The following NPSR1 variants were observed in gnomAD, a reference collection of about 807,000 sequenced individuals.
NPSR1 encodes neuropeptide S receptor 1.
NPSR1 carries 48 observed loss-of-function variants against 46.9 expected under a neutral mutation model. The observed-to-expected ratio is 1.02, with a 90% CI of 0.81 to 1.30. NPSR1 has a LOEUF of 1.30. NPSR1 is among the 50% of genes most tolerant of loss of function. NPSR1 has a pLI of 0.00. For missense variants in NPSR1, 450 were observed against 449.5 expected (o/e 1.00, Z -0.01); for synonymous variants, 176 against 168.1 (o/e 1.05, Z -0.36).
At chr7:34,755,954 A>T (rs545958621) in intron 2 of NPSR1, among the ~76,000 whole-genome samples, 40 of 152,326 alleles carry the variant, frequency 2.6e-4, no homozygotes, top group Non-Finnish European at 5.0e-4. Flanking sequence ...AGACCGAAGG[A>T]GGTTAAATAA....
chr7:34,743,289 T>C (rs1395300213), intron 2 of NPSR1, among the ~76,000 whole-genome samples: 1 of 152,192 alleles, frequency 6.6e-6, no homozygotes, highest in Non-Finnish European at 1.5e-5. Flanking sequence ...GGGTTTTACA[T>C]TTAAATCTTT....
rs549969852 is a variant in NPSR1, at chr7:34,798,151, A to G, written c.385-13619A>G. Among the ~76,000 whole-genome samples, 14 of 152,374 alleles carry G rather than the reference A, an allele frequency of 9.2e-5. No homozygotes were observed. In the South Asian group the frequency reaches 2.7e-3, roughly 29 times the overall value. On this transcript the variant is annotated intron_variant, in intron 3 of 8. Coordinates refer to ENST00000360581, the MANE Select transcript of NPSR1 (RefSeq NM_207172.2). ...TACTTTTCTTACTCTTAATTGACCT[A>G]TAGATAGTTGCTCGACACAAAAATA...
At chr7:34,724,528 C>G (rs988294392) in intron 2 of NPSR1, among the ~76,000 whole-genome samples, 1 of 152,208 alleles carries the variant, frequency 6.6e-6, no homozygotes, top group Non-Finnish European at 1.5e-5. Context: ...AGGTGGGACG[C>G]AGGAAGATGG....
chr7:34,720,202 C>T (rs1783781299), intron 2 of NPSR1, among the ~76,000 whole-genome samples: 1 of 151,808 alleles, frequency 6.6e-6, no homozygotes, highest in African/African-American at 2.4e-5. Context: ...ATCGCTTGAA[C>T]CCGGGAGGTG....
chr7:34,809,519 A>C (rs1407926157), intron 3 of NPSR1, among the ~76,000 whole-genome samples: 1 of 138,192 alleles, frequency 7.2e-6, no homozygotes, highest in Non-Finnish European at 1.5e-5. Flanking sequence ...GCTGGAGTGC[A>C]GTGGCGCAAT....
chr7:34,869,117 A>G (rs1791391098), intron 8 of NPSR1, among the ~76,000 whole-genome samples: 1 of 151,740 alleles, frequency 6.6e-6, no homozygotes, highest in South Asian at 2.1e-4. Flanking sequence ...GTCCCACAAC[A>G]CTGGCAGAAC....
chr7:34,747,403 G>A (rs140748517), intron 2 of NPSR1, among the ~76,000 whole-genome samples: 772 of 152,310 alleles, frequency 5.1e-3, no homozygotes, highest in Non-Finnish European at 7.5e-3. Flanking sequence ...CTCTGCACCT[G>A]CAGCCTGGTG....
At chr7:34,852,135 T>C (rs990131586), downstream of NPSR1, among the ~76,000 whole-genome samples, 12 of 152,012 alleles carry the variant, frequency 7.9e-5, no homozygotes, top group Non-Finnish European at 1.5e-4. Context: ...CTGTCTCTAC[T>C]AAAAATACAA....
chr7:34,771,457 T>C (rs189661090), intron 2 of NPSR1, among the ~76,000 whole-genome samples: 10 of 152,018 alleles, frequency 6.6e-5, no homozygotes, highest in Admixed American at 5.9e-4. Context: ...CCAAAAAAGA[T>C]GCACAAAAGG....
chr7:34,715,939 G>T (rs999452599), intron 2 of NPSR1, among the ~76,000 whole-genome samples: 19 of 152,044 alleles, frequency 1.2e-4, no homozygotes, highest in African/African-American at 4.6e-4. Context: ...ACTACCATGA[G>T]AAGAAAGTCG....
intron 1 of NPSR1, among the ~76,000 whole-genome samples, chr7:34,680,633 G>A (rs926276623): frequency 6.6e-6 from 1 of 152,136 alleles, no homozygotes; most frequent in Non-Finnish European, 1.5e-5. Flanking sequence ...TCAAATACAT[G>A]AGATCAATAA....
chr7:34,790,855 T>TTA (rs538559086), intron 3 of NPSR1, among the ~76,000 whole-genome samples: 12 of 127,424 alleles, frequency 9.4e-5, no homozygotes, highest in Non-Finnish European at 1.7e-4. Context: ...ATGTTATATG[T>TTA]TATGTTATAT....
At chr7:34,728,733 G>A (rs748170958) in intron 2 of NPSR1, 13 of 152,658 alleles carry the variant, frequency 8.5e-5, no homozygotes, top group African/African-American at 2.2e-4. Flanking sequence ...ATAGCTATAC[G>A]TACTTGTTTT....
At chr7:34,832,532 C>T (rs1055627185) in intron 5 of NPSR1, among the ~76,000 whole-genome samples, 2 of 152,068 alleles carry the variant, frequency 1.3e-5, no homozygotes, top group African/African-American at 2.4e-5. Flanking sequence ...AATGGGGACA[C>T]ACAGCAACGC....
At chr7:34,760,772 T>C (rs1016511786) in intron 2 of NPSR1, among the ~76,000 whole-genome samples, 2 of 152,196 alleles carry the variant, frequency 1.3e-5, no homozygotes, top group Non-Finnish European at 2.9e-5. Context: ...AGCAAGATGT[T>C]TCTTGATCAA....
At chr7:34,725,099 T>TCACACACACACACA (rs56880784) in intron 2 of NPSR1, among the ~76,000 whole-genome samples, 1 of 146,534 alleles carries the variant, frequency 6.8e-6, no homozygotes, top group Non-Finnish European at 1.5e-5. Flanking sequence ...ACACACAGAC[T>TCACACACACACACA]CACACACACA....
Position 34,679,114 on chromosome 7 carries a change from C to T in NPSR1, c.148-5438C>T, listed in dbSNP as rs10240711. 9.4e-4 allele frequency among the ~76,000 whole-genome samples: 137 copies of T among 145,386 alleles called. 1 individual carries two copies. Among genetic ancestry groups the T allele is most frequent in the African/African-American group, 3.5e-3 (126 of 36,502 alleles). Reference sequence around the variant, plus strand: ...TCTTAAATTTTTTAAAGTTAACATGCGATAAAAGAGAATAACTGTTTCAAA... The same window carrying T: ...TCTTAAATTTTTTAAAGTTAACATGTGATAAAAGAGAATAACTGTTTCAAA... On this transcript the variant is annotated intron_variant, in intron 1 of 8. Transcript: ENST00000360581.
At chr7:34,743,959 G>A (rs375219291) in intron 2 of NPSR1, among the ~76,000 whole-genome samples, 4 of 152,152 alleles carry the variant, frequency 2.6e-5, no homozygotes, top group Non-Finnish European at 4.4e-5. Context: ...GTGTTCAGCC[G>A]ATTTGAGAAG....
At chr7:34,740,797 T>A (rs1460983211) in intron 2 of NPSR1, among the ~76,000 whole-genome samples, 1 of 152,078 alleles carries the variant, frequency 6.6e-6, no homozygotes, top group African/African-American at 2.4e-5. Context: ...CTGCAGAGGG[T>A]CTGTGGGTTC....
Sources: gnomAD v4.1 joint callset for allele counts (sites outside exome capture counted in the v4.1 genomes callset) on GRCh38, gnomAD v4.1.1 for gene constraint, MANE v1.5 for transcripts, NCBI Gene and HGNC (gene_info 2026-07-23, HGNC 2026-07-21) for gene names.